RANBP2: variants seen among roughly 807,000 people sequenced by gnomAD.
RANBP2 encodes the protein RAN binding protein 2.
Under a neutral mutation model 303.6 loss-of-function variants are expected in RANBP2, and 57 were observed. The observed-to-expected ratio is 0.19, with a 90% CI of 0.15 to 0.23. The LOEUF is 0.23. RANBP2 is among the 10% of genes least tolerant of loss of function. The probability of loss-of-function intolerance (pLI) is 1.00; values close to 1 mark genes in which losing one functional copy is unlikely to be tolerated. For synonymous variants in RANBP2, 1,167 were observed against 1,301.5 expected, an observed-to-expected ratio of 0.90 and a Z score of 2.23; for missense variants, 3,138 against 3,780.8, an observed-to-expected ratio of 0.83 and a Z score of 4.46.
At chr2:108,740,882 C>T (rs553971938) in intron 7 of RANBP2, among the ~76,000 whole-genome samples, 2 of 151,388 alleles carry the variant, frequency 1.3e-5, no homozygotes, top group South Asian at 2.1e-4. Flanking sequence ...TGAATGCACT[C>T]TTGTTGAAAG....
chr2:109,694,184 C>T, the RANBP2 span, among the ~76,000 whole-genome samples: 1 of 152,114 alleles, frequency 6.6e-6, no homozygotes, highest in African/African-American at 2.4e-5. Flanking sequence ...TGGCTTGGCA[C>T]TATCCCCTTG....
chr2:109,323,388 A>G, the RANBP2 span, among the ~76,000 whole-genome samples: 1 of 152,238 alleles, frequency 6.6e-6, no homozygotes, highest in Non-Finnish European at 1.5e-5. Flanking sequence ...CACAATGGGC[A>G]TTTGTGTAAA....
At chr2:108,923,329 G>A in the RANBP2 span, 1 of 1,594,770 alleles carries the variant, frequency 6.3e-7, no homozygotes, top group Non-Finnish European at 8.6e-7. Flanking sequence ...GATCCGTGCT[G>A]AACAAATACC....
the RANBP2 span, among the ~76,000 whole-genome samples, chr2:108,867,537 C>T: frequency 2.6e-5 from 4 of 152,114 alleles, no homozygotes; most frequent in East Asian, 5.8e-4. Context: ...CTCCCCTCCC[C>T]AAGCCTTTGG....
chr2:109,481,821 G>C, the RANBP2 span, among the ~76,000 whole-genome samples: 15 of 152,254 alleles, frequency 9.9e-5, no homozygotes, highest in Middle Eastern at 3.4e-3. Flanking sequence ...TCTTGAGGAA[G>C]CCCAGAGGGG....
chr2:109,649,424 G>A, the RANBP2 span, among the ~76,000 whole-genome samples: 1 of 151,822 alleles, frequency 6.6e-6, no homozygotes, highest in Non-Finnish European at 1.5e-5. Flanking sequence ...TTGAGACAGA[G>A]TCTCACTCTG....
chr2:109,761,874 C>A, the RANBP2 span, among the ~76,000 whole-genome samples: 5 of 151,330 alleles, frequency 3.3e-5, no homozygotes, highest in Admixed American at 6.6e-5. Context: ...GTAAAGAGTT[C>A]ACATGTGTCT....
chr2:109,358,619 C>T, the RANBP2 span, among the ~76,000 whole-genome samples: 2,757 of 152,314 alleles, frequency 0.018, 80 homozygotes, highest in African/African-American at 0.057. Flanking sequence ...CTTTGACTCA[C>T]CATTCAATCA....
the RANBP2 span, among the ~76,000 whole-genome samples, chr2:108,972,254 C>T: frequency 2.0e-5 from 3 of 152,394 alleles, no homozygotes; most frequent in Admixed American, 2.0e-4. Context: ...CAGCCACACC[C>T]CTGTAAGAGA....
chr2:109,621,696 G>A, the RANBP2 span, among the ~76,000 whole-genome samples: 8 of 151,900 alleles, frequency 5.3e-5, no homozygotes, highest in Non-Finnish European at 8.8e-5. Context: ...GGTGAATCAC[G>A]AGGTTAGGAG....
At chr2:109,516,973 C>T in the RANBP2 span, among the ~76,000 whole-genome samples, 4 of 152,200 alleles carry the variant, frequency 2.6e-5, no homozygotes, top group Non-Finnish European at 5.9e-5. Flanking sequence ...CAGCCCAGTC[C>T]TCCAGTGTAC....
chr2:109,687,291 T>C, the RANBP2 span, among the ~76,000 whole-genome samples: 1 of 152,234 alleles, frequency 6.6e-6, no homozygotes, highest in East Asian at 1.9e-4. Context: ...AACAACGTCA[T>C]GAGCTCCTGC....
chr2:109,283,322 C>T, the RANBP2 span, among the ~76,000 whole-genome samples: 2 of 152,236 alleles, frequency 1.3e-5, no homozygotes, highest in African/African-American at 4.8e-5. Flanking sequence ...TGGACACCTG[C>T]TCCCCTGCTC....
chr2:109,564,034 G>A, the RANBP2 span, among the ~76,000 whole-genome samples: 2 of 152,106 alleles, frequency 1.3e-5, no homozygotes, highest in Non-Finnish European at 2.9e-5. Context: ...ATATATCATC[G>A]TCTCAGATAA....
chr2:109,229,197 A>C, the RANBP2 span, among the ~76,000 whole-genome samples: 1 of 152,164 alleles, frequency 6.6e-6, no homozygotes, highest in African/African-American at 2.4e-5. Context: ...CCAAATATGT[A>C]TTTTTATTAT....
chr2:109,707,687 C>T, the RANBP2 span, among the ~76,000 whole-genome samples: 15 of 152,318 alleles, frequency 9.8e-5, no homozygotes, highest in Non-Finnish European at 1.9e-4. Context: ...GACGGGTCAG[C>T]GCCCATGCCG....
At chr2:109,176,557 C>T in the RANBP2 span, among the ~76,000 whole-genome samples, 1 of 152,082 alleles carries the variant, frequency 6.6e-6, no homozygotes, top group Non-Finnish European at 1.5e-5. Context: ...CATAATGAGA[C>T]CCTATCCCTA....
At chr2:108,831,284 C>T in the RANBP2 span, among the ~76,000 whole-genome samples, 1 of 152,138 alleles carries the variant, frequency 6.6e-6, no homozygotes, top group African/African-American at 2.4e-5. Context: ...GTTGAAAGGA[C>T]AAATTGTAAA....
At chr2:109,563,387 G>A in the RANBP2 span, among the ~76,000 whole-genome samples, 1 of 152,122 alleles carries the variant, frequency 6.6e-6, no homozygotes, top group Non-Finnish European at 1.5e-5. Context: ...GTTTACTCTG[G>A]TGCAGGTGCT....
Sources: gnomAD v4.1 joint callset for allele counts (sites outside exome capture counted in the v4.1 genomes callset) on GRCh38, gnomAD v4.1.1 for gene constraint, MANE v1.5 for transcripts, NCBI Gene and HGNC (gene_info 2026-07-23, HGNC 2026-07-21) for gene names.